FGL1: variants seen among roughly 807,000 people sequenced by gnomAD.
FGL1 encodes fibrinogen-like protein 1.
Under a neutral mutation model 43.7 loss-of-function variants are expected in FGL1, and 59 were observed. The observed-to-expected ratio is 1.35, with a 90% CI of 1.10 to 1.68. FGL1 has a LOEUF of 1.68. FGL1 is among the 40% of genes most tolerant of loss of function. The pLI is 0.00. For synonymous variants in FGL1, 192 were observed against 126.5 expected (o/e 1.52, Z -3.48); for missense variants, 596 against 373.0 (o/e 1.60, Z -4.92).
rs931685537 is a variant in FGL1 at position 17,895,510 on chromosome 8, T to A, written c.-81A>T. 2.3e-6 allele frequency: 3 copies of A among 1,287,366 alleles called. No homozygotes were observed. In the African/African-American group the frequency reaches 4.6e-5, roughly 20 times the overall value. The allele number at this position is 1,287,366 out of a possible 1,614,324, so 79.7% of individuals were successfully genotyped here. A position where few individuals can be genotyped will look rare whatever the true frequency, so the allele number is the denominator to read the frequency against. ...CATCCAGACACTCTGCTTCCCAGGA[T>A]CCTGTAACTGCATTGGGAATTTGTA... On this transcript the variant is annotated 5_prime_UTR_variant, in exon 1 of 8. Transcript: ENST00000427924.
At chr8:17,879,628 G>A (rs2053505207) in intron 3 of FGL1, among the ~76,000 whole-genome samples, 1 of 152,050 alleles carries the variant, frequency 6.6e-6, no homozygotes, top group Admixed American at 6.6e-5. Flanking sequence ...GCCTGCTTCT[G>A]CTTTGCCGTC....
intron 1 of FGL1, among the ~76,000 whole-genome samples, chr8:17,888,528 G>A (rs921896345): frequency 6.6e-6 from 1 of 152,164 alleles, no homozygotes; most frequent in Admixed American, 6.5e-5. Context: ...GTTGAAATAA[G>A]TATTCTAAAC....
At chr8:17,879,834 C>A (rs1354040331) in intron 3 of FGL1, among the ~76,000 whole-genome samples, 1 of 152,062 alleles carries the variant, frequency 6.6e-6, no homozygotes, top group Non-Finnish European at 1.5e-5. Flanking sequence ...GTTGTAGAGG[C>A]CTGGGAACAA....
intron 6 of FGL1, 31 bp from the exon 7 acceptor site, chr8:17,868,766 G>A: frequency 1.3e-6 from 2 of 1,585,618 alleles, no homozygotes; most frequent in Non-Finnish European, 1.7e-6. Context: ...TGCTGTCAGT[G>A]GAGTTCCTCT....
chr8:17,886,894 G>A (rs2053636511), intron 1 of FGL1, among the ~76,000 whole-genome samples: 1 of 152,154 alleles, frequency 6.6e-6, no homozygotes, highest in Non-Finnish European at 1.5e-5. Context: ...GCACCCTAGG[G>A]GATTCTGGAT....
At chr8:17,891,488 T>C (rs960519237) in intron 1 of FGL1, 2 of 156,622 alleles carry the variant, frequency 1.3e-5, no homozygotes, top group Non-Finnish European at 2.8e-5. Context: ...CATCGGTCAT[T>C]GGATTAGGGT....
chr8:17,875,731 A>G (rs2053447004), intron 3 of FGL1, among the ~76,000 whole-genome samples: 1 of 151,766 alleles, frequency 6.6e-6, no homozygotes, highest in African/African-American at 2.4e-5. Context: ...CAGCCTCCTG[A>G]GTAGCTGGGA....
chr8:17,874,099 T>G lies in FGL1; in HGVS notation c.422A>C (p.Glu141Ala). Residue 141 changes from glutamate to alanine, a missense_variant, in exon 5 of 8, where the codon GAA (glutamate) becomes GCA (alanine). Transcript: ENST00000427924. Reference sequence around the variant, plus strand: ...TTGGACAAAATTTCCAAAGCCATTTTCATAGTCTTTCCATCCTCTAAAAAA... The same window carrying G: ...TTGGACAAAATTTCCAAAGCCATTTGCATAGTCTTTCCATCCTCTAAAAAA... ...ENFNRGWKDY[E>A]NGFGNFVQKH... The G allele has an allele frequency of 6.2e-7, 1 of 1,611,336 alleles. No individual in the cohort carries two copies. The highest frequency in any genetic ancestry group is 8.5e-7 in the Non-Finnish European group (1 of 1,179,294).
At chr8:17,872,639 GC>G (rs2053381629) in intron 5 of FGL1, among the ~76,000 whole-genome samples, 1 of 152,066 alleles carries the variant, frequency 6.6e-6, no homozygotes, top group Non-Finnish European at 1.5e-5. Flanking sequence ...AACTTAGCAT[GC>G]TTTTTTGGGC....
Position 17,882,151 on chromosome 8 carries a change from A to T in FGL1, c.92T>A (p.Met31Lys). Reference protein sequence around the residue: ...SALEDCAQEQMRLRAQVRLLE... With the variant: ...SALEDCAQEQKRLRAQVRLLE... ...CAGGCGCACCTGGGCTCTGAGCCGC[A>T]TCTGCTCCTGGGCACAGTCCTCGAG... Residue 31 changes from methionine to lysine, a missense_variant, in exon 3 of 8, where the codon ATG becomes AAG. Met to Lys is a moderately conservative substitution (Grantham distance 95, BLOSUM62 -1). Transcript: ENST00000427924. 2 of 1,613,930 alleles carry T rather than the reference A, an allele frequency of 1.2e-6. No homozygotes were observed. The highest frequency in any genetic ancestry group is 1.7e-6 in the Non-Finnish European group (2 of 1,179,996).
At position 17,888,646 on chromosome 8, in the gene FGL1, C is replaced by T. The variant is rs150778917; in HGVS notation, c.-17-3075G>A. Among the ~76,000 whole-genome samples the T allele has an allele frequency of 2.0e-5, 3 of 152,082 alleles. 1 individual carries two copies. The highest frequency in any genetic ancestry group is 2.0e-4 in the Admixed American group (3 of 15,266). On this transcript the variant is annotated intron_variant, in intron 1 of 7. Transcript: ENST00000427924. ...TTGTCTGAGGGTCCTTGGGAACACT[C>T]CTTATTCATTGTGGCTGAATTTTTT... is the stretch of plus-strand genomic sequence containing the variant.
chr8:17,887,344 G>A (rs1006514667), intron 1 of FGL1, among the ~76,000 whole-genome samples: 1 of 152,146 alleles, frequency 6.6e-6, no homozygotes, highest in East Asian at 1.9e-4. Context: ...CATGCACCTG[G>A]GAGAGGTATA....
At chr8:17,871,427 C>T (rs905908403) in intron 5 of FGL1, among the ~76,000 whole-genome samples, 2 of 144,462 alleles carry the variant, frequency 1.4e-5, no homozygotes, top group Non-Finnish European at 3.0e-5. Context: ...CAAGAGTCAG[C>T]GGTTTTAGTG....
At position 17,864,734 on chromosome 8, in the gene FGL1, A is replaced by G. The variant is rs1299495924; in HGVS notation, c.797T>C (p.Leu266Pro). Residue 266 changes from leucine to proline, a missense_variant, in exon 8 of 8, where the codon CTG becomes CCG. Leu to Pro is a moderately conservative substitution (Grantham distance 98, BLOSUM62 -3). Coordinates refer to ENST00000427924, the MANE Select transcript of FGL1 (RefSeq NM_004467.4). Reference sequence around the variant, plus strand: ...GGGGCCGCTGTAGTATACACCATTCAGGTTTGCAGAGTGACACCTAGTGGA... The same window carrying G: ...GGGGCCGCTGTAGTATACACCATTCGGGTTTGCAGAGTGACACCTAGTGGA... ...WWFNRCHSAN[L>P]NGVYYSGPYT... 2 of 1,532,704 alleles carry G rather than the reference A, an allele frequency of 1.3e-6. No homozygotes were observed. The highest frequency in any genetic ancestry group is 1.4e-5 in the African/African-American group (1 of 71,956). 94.9% of individuals were successfully genotyped at this position (1,532,704 alleles called of 1,614,324 possible).
chr8:17,876,646 T>C (rs2053460192), intron 3 of FGL1, among the ~76,000 whole-genome samples: 2 of 152,216 alleles, frequency 1.3e-5, no homozygotes, highest in Admixed American at 1.3e-4. Flanking sequence ...GTACAACACT[T>C]TTATTAAAGT....
chr8:17,886,008 C>T (rs573618516), intron 1 of FGL1, among the ~76,000 whole-genome samples: 4 of 152,268 alleles, frequency 2.6e-5, no homozygotes, highest in Admixed American at 6.5e-5. Context: ...CCCGCCTTGG[C>T]CTCCCAAAGT....
At chr8:17,880,696 A>G (rs543891962) in intron 3 of FGL1, among the ~76,000 whole-genome samples, 1 of 152,330 alleles carries the variant, frequency 6.6e-6, no homozygotes, top group South Asian at 2.1e-4. Flanking sequence ...ACAATGTAGC[A>G]TGGTAGTGCT....
At chr8:17,882,235 G>A (rs1407652881) in intron 2 of FGL1, 56 bp from the exon 3 acceptor site, 1 of 1,461,276 alleles carries the variant, frequency 6.8e-7, no homozygotes, top group Non-Finnish European at 9.2e-7. Flanking sequence ...GAAAACAAGT[G>A]CTTTTTAAAC....
intron 1 of FGL1, among the ~76,000 whole-genome samples, chr8:17,892,341 A>G (rs557207520): frequency 6.6e-6 from 1 of 152,184 alleles, no homozygotes; most frequent in East Asian, 1.9e-4. Context: ...AAGATGGAAA[A>G]CAAAATATTT....
Sources: gnomAD v4.1 joint callset for allele counts (sites outside exome capture counted in the v4.1 genomes callset) on GRCh38, gnomAD v4.1.1 for gene constraint, MANE v1.5 for transcripts, NCBI Gene and HGNC (gene_info 2026-07-23, HGNC 2026-07-21) for gene names.